PCM1: variants seen among roughly 807,000 people sequenced by gnomAD.
The protein encoded by PCM1 is pericentriolar material 1 protein.
In PCM1, 157 loss-of-function variants were observed where a neutral mutation model predicts 241.9. The ratio of observed to expected loss-of-function variants is 0.65; its 90% CI spans 0.57 to 0.74. PCM1 has a LOEUF of 0.74. PCM1 is among the 30% of genes least tolerant of loss of function. PCM1 has a pLI of 0.00. For synonymous variants in PCM1, 1,085 were observed against 784.9 expected (o/e 1.38, Z -6.39); for missense variants, 3,478 against 2,360.1 (o/e 1.47, Z -9.81).
rs1007180562 is a variant in PCM1 at position 18,028,934 on chromosome 8, G to A, written c.*1272G>A. 12 of 179,790 alleles carry A rather than the reference G, an allele frequency of 6.7e-5. No individual in the cohort carries two copies. The highest frequency in any genetic ancestry group is 1.3e-4 in the Non-Finnish European group (11 of 84,058). 11.1% of individuals were successfully genotyped at this position (179,790 alleles called of 1,614,324 possible). On this transcript the variant is annotated 3_prime_UTR_variant, in exon 39 of 39. Transcript: ENST00000325083. Reference sequence around the variant, plus strand: ...TGGGAGGCCGAGGCGGGCAGATCACGAGGTCAAGAGATTGAGACCATCCTG... The same window carrying A: ...TGGGAGGCCGAGGCGGGCAGATCACAAGGTCAAGAGATTGAGACCATCCTG...
intron 27 of PCM1, 36 bp from the exon 28 acceptor site, chr8:17,991,506 T>A: frequency 6.5e-7 from 1 of 1,540,090 alleles, no homozygotes; most frequent in Non-Finnish European, 8.8e-7. Flanking sequence ...AAGTTCACTT[T>A]TACATACTCA....
intron 2 of PCM1, among the ~76,000 whole-genome samples, chr8:17,930,221 C>T (rs2058560937): frequency 6.6e-6 from 1 of 151,574 alleles, no homozygotes; most frequent in Non-Finnish European, 1.5e-5. Flanking sequence ...CTGCCTCAGC[C>T]TCCCGAGTAG....
intron 29 of PCM1, among the ~76,000 whole-genome samples, chr8:18,000,112 A>C (rs1212441590): frequency 2.0e-5 from 3 of 152,182 alleles, no homozygotes; most frequent in African/African-American, 7.2e-5. Context: ...CTAATGAGGG[A>C]ACATTTAAGT....
intron 24 of PCM1, among the ~76,000 whole-genome samples, chr8:17,983,559 G>A (rs2081646547): frequency 6.6e-6 from 1 of 152,068 alleles, no homozygotes; most frequent in South Asian, 2.1e-4. Context: ...TTACGGTTTA[G>A]TACTTGATTT....
At chr8:18,027,535 A>G in intron 38 of PCM1, 102 bp from the exon 39 acceptor site, 1 of 708,368 alleles carries the variant, frequency 1.4e-6, no homozygotes, top group Non-Finnish European at 2.3e-6. Context: ...TTTCTTTTAT[A>G]ATAACGTTAT....
At chr8:17,938,659 G>A (rs1323149995) in intron 4 of PCM1, 81 bp from the exon 5 acceptor site, 32 of 961,440 alleles carry the variant, frequency 3.3e-5, no homozygotes, top group East Asian at 4.8e-5. Flanking sequence ...ATCTGATGGC[G>A]AAACTAAGAA....
intron 6 of PCM1, among the ~76,000 whole-genome samples, chr8:17,942,200 C>T (rs2062289620): frequency 1.3e-5 from 2 of 152,088 alleles, no homozygotes; most frequent in African/African-American, 4.8e-5. Flanking sequence ...TTAGATGGGG[C>T]CAGGCGTGGT....
rs2061223328 is a variant in PCM1, at chr8:17,938,902, G to A, written c.505G>A (p.Ala169Thr). 3 of 1,613,582 alleles carry A rather than the reference G, an allele frequency of 1.9e-6. No individual in the cohort carries two copies. The highest frequency in any genetic ancestry group is 1.7e-5 in the Admixed American group (1 of 60,002). Residue 169 changes from alanine to threonine, a missense_variant, in exon 5 of 39, where the codon GCA becomes ACA. Physicochemically the swap from Ala to Thr is moderately conservative, Grantham distance 58. Transcript: ENST00000325083. ...NPPNRETIGS[A>T]QCKELFASAL... Reference sequence around the variant, plus strand: ...CCCAAACAGAGAAACGATTGGATCAGCACAGTGTAAAGAGTTGTTTGCTTC... The same window carrying A: ...CCCAAACAGAGAAACGATTGGATCAACACAGTGTAAAGAGTTGTTTGCTTC...
rs200994655 is a variant in PCM1, at chr8:17,964,633, A to T, written c.2720A>T (p.Tyr907Phe). The change falls in exon 18 of 39, where the codon TAC becomes TTC. Residue 907 changes from tyrosine to phenylalanine, a missense_variant. By Grantham distance (22) the Tyr-to-Phe change is conservative (BLOSUM62 3). Transcript: ENST00000325083. ...ALDEEGDEDG[Y>F]LSEGIVRTDE... Reference sequence around the variant, plus strand: ...GATGAAGAAGGAGATGAAGACGGTTACCTTTCTGAAGGAATTGTTCGGACA... The same window carrying T: ...GATGAAGAAGGAGATGAAGACGGTTTCCTTTCTGAAGGAATTGTTCGGACA... The T allele has an allele frequency of 6.2e-7, 1 of 1,613,948 alleles. No homozygotes were observed. Among genetic ancestry groups the T allele is most frequent in the Non-Finnish European group, 8.5e-7 (1 of 1,179,844 alleles).
intron 6 of PCM1, among the ~76,000 whole-genome samples, chr8:17,946,416 C>T (rs1203125755): frequency 6.6e-6 from 1 of 151,894 alleles, no homozygotes; most frequent in African/African-American, 2.4e-5. Flanking sequence ...AAATTTCAGT[C>T]CTTTGTTAGA....
At position 17,946,870 on chromosome 8, in the gene PCM1, T is replaced by TCC. The variant is rs907031778; in HGVS notation, c.784-316_784-315insCC. The stretch of plus-strand genomic sequence containing the variant: ...GTGTGTGTGTGTGTGTGTGTGTGTG[T>TCC]GTCCATGTGTCCGTGTCCCTCTTGG... On this transcript the variant is annotated intron_variant, in intron 6 of 38. Coordinates refer to ENST00000325083, the MANE Select transcript of PCM1 (RefSeq NM_006197.4). 2.7e-3 allele frequency among the ~76,000 whole-genome samples: 402 copies of TCC among 150,714 alleles called. 3 individuals carry two copies. The highest frequency in any genetic ancestry group is 9.5e-3 in the African/African-American group (389 of 40,936).
chr8:17,934,324 C>G (rs888995014), intron 2 of PCM1, among the ~76,000 whole-genome samples: 4 of 150,864 alleles, frequency 2.7e-5, no homozygotes, highest in Admixed American at 1.3e-4. Flanking sequence ...TGCAGTGGTG[C>G]AGTCTCGGCT....
chr8:17,961,890 C>G (rs1056387266), intron 15 of PCM1, 144 bp from the exon 16 acceptor site: 21 of 593,144 alleles, frequency 3.5e-5, no homozygotes, highest in Non-Finnish European at 5.3e-5. Flanking sequence ...TTCATGTTAT[C>G]TTCGGATGAT....
At chr8:18,024,352 G>C (rs2093995278) in intron 36 of PCM1, among the ~76,000 whole-genome samples, 1 of 152,126 alleles carries the variant, frequency 6.6e-6, no homozygotes, top group African/African-American at 2.4e-5. Context: ...GGGCAACAGA[G>C]TGAGGCCCTG....
chr8:17,944,729 A>G (rs73580074), intron 6 of PCM1, among the ~76,000 whole-genome samples: 3,036 of 152,146 alleles, frequency 0.02, 112 homozygotes, highest in African/African-American at 0.07. Flanking sequence ...TGTATATTTC[A>G]TCATAGGCTG....
chr8:17,992,001 A>G (rs557061630), intron 28 of PCM1, among the ~76,000 whole-genome samples: 89 of 152,146 alleles, frequency 5.8e-4, no homozygotes, highest in African/African-American at 1.9e-3. Context: ...ACGGTCTCCA[A>G]CTCTACCCAG....
At position 18,006,397 on chromosome 8, in the gene PCM1, G is replaced by C. The variant is rs745537271; in HGVS notation, c.4962G>C (p.Gln1654His). The C allele has an allele frequency of 6.2e-7, 1 of 1,601,666 alleles. No individual in the cohort carries two copies. Among genetic ancestry groups the C allele is most frequent in the Non-Finnish European group, 8.6e-7 (1 of 1,168,892 alleles). Residue 1654 changes from glutamine to histidine, a missense_variant and splice_region_variant, in exon 30 of 39, where the codon CAG (glutamine) becomes CAC (histidine). Coordinates refer to ENST00000325083, the MANE Select transcript of PCM1 (RefSeq NM_006197.4). ...FFHKQLGSILQDSLAKFAGRK... is the reference protein window; with the variant it reads ...FFHKQLGSILHDSLAKFAGRK... ...ATAAACAACTTGGAAGTATATTACA[G>C]GTAAGAGTTTATACTTGTATGATTT...
chr8:17,973,889 G>T (rs891047373), intron 23 of PCM1, among the ~76,000 whole-genome samples: 16 of 152,048 alleles, frequency 1.1e-4, no homozygotes, highest in African/African-American at 3.9e-4. Flanking sequence ...TGTAAACTTT[G>T]GCAACCTTCA....
intron 20 of PCM1, 108 bp downstream of exon 20, chr8:17,966,581 C>T (rs2129469737): frequency 2.3e-6 from 2 of 880,076 alleles, no homozygotes; most frequent in East Asian, 5.2e-5. Context: ...CATATTTGGA[C>T]ATTCTCTTTC....
Sources: allele counts gnomAD v4.1 joint callset (sites outside exome capture counted in the v4.1 genomes callset), GRCh38; gene constraint gnomAD v4.1.1; transcripts MANE v1.5; gene names NCBI Gene and HGNC (gene_info 2026-07-23, HGNC 2026-07-21).